The following TLR5 variants were observed in gnomAD, a reference collection of about 807,000 sequenced individuals.
TLR5 encodes the protein toll-like receptor 5.
For synonymous variants in TLR5, 373 were observed against 384.4 expected, an observed-to-expected ratio of 0.97 and a Z score of 0.35; for missense variants, 944 against 999.8, an observed-to-expected ratio of 0.94 and a Z score of 0.75.
chr1:223,112,899 G>A lies in TLR5; in HGVS notation c.133C>T (p.Leu45Phe), dbSNP rs757057501. The stretch of plus-strand genomic sequence containing the variant: ...AGCAGGAGCCTCTCAGTGGTGTTGA[G>A]GACCTGGGGGACCTGGGTGAGGTTG... ...FCNLTQVPQV[L>F]NTTERLLLSF... The change falls in exon 6 of 6, where the codon CTC (leucine) becomes TTC (phenylalanine). Residue 45 changes from leucine to phenylalanine, a missense_variant. Physicochemically the swap from Leu to Phe is conservative, Grantham distance 22. Coordinates refer to ENST00000642603, the MANE Select transcript of TLR5 (RefSeq NM_003268.6). The A allele has an allele frequency of 4.3e-6, 7 of 1,614,184 alleles. No individual in the cohort carries two copies. Among genetic ancestry groups the A allele is most frequent in the Non-Finnish European group, 5.9e-6 (7 of 1,180,032 alleles).
chr1:223,132,170 C>T (rs1377150281), intron 5 of TLR5, among the ~76,000 whole-genome samples: 1 of 152,022 alleles, frequency 6.6e-6, no homozygotes, highest in African/African-American at 2.4e-5. Flanking sequence ...CTATACCACC[C>T]TGGGCCACAT....
chr1:223,112,880 A>T lies in TLR5; in HGVS notation c.152T>A (p.Leu51His). 2 of 1,614,074 alleles carry T rather than the reference A, an allele frequency of 1.2e-6. No homozygotes were observed. Among genetic ancestry groups the T allele is most frequent in the Non-Finnish European group, 1.7e-6 (2 of 1,179,996 alleles). The change falls in exon 6 of 6, where the codon CTC becomes CAC. Residue 51 changes from leucine (L) to histidine (H), a missense_variant. Physicochemically the swap from Leu to His is moderately conservative, Grantham distance 99. Transcript: ENST00000642603. ...CCTGATATAGTTGAAGCTCAGCAGG[A>T]GCCTCTCAGTGGTGTTGAGGACCTG... ...VPQVLNTTER[L>H]LLSFNYIRTV...
Position 223,112,775 on chromosome 1 carries a change from A to G in TLR5, c.257T>C (p.Ile86Thr), listed in dbSNP as rs1251573752. 1 of 1,613,908 alleles carries G rather than the reference A, an allele frequency of 6.2e-7. No homozygotes were observed. Among genetic ancestry groups the G allele is most frequent in the Non-Finnish European group, 8.5e-7 (1 of 1,179,914 alleles). Residue 86 changes from isoleucine to threonine, a missense_variant, in exon 6 of 6, where the codon ATT (isoleucine) becomes ACT (threonine). Coordinates refer to ENST00000642603, the MANE Select transcript of TLR5 (RefSeq NM_003268.6). ...CAGGTTTCTGAAGGCCTCCTTGTCA[A>G]TAGTCAAGGGGGTATACTGGCTCCC... is the stretch of plus-strand genomic sequence containing the variant. ...ELGSQYTPLTIDKEAFRNLPN... is the reference protein window; with the variant it reads ...ELGSQYTPLTTDKEAFRNLPN...
intron 2 of TLR5, among the ~76,000 whole-genome samples, chr1:223,139,132 A>C (rs1657738737): frequency 1.3e-5 from 2 of 152,328 alleles, no homozygotes; most frequent in Non-Finnish European, 2.9e-5. Flanking sequence ...ACTCAGGTAT[A>C]TCTTTATTAG....
chr1:223,122,319 C>T (rs1656986775), intron 5 of TLR5, among the ~76,000 whole-genome samples: 2 of 152,104 alleles, frequency 1.3e-5, no homozygotes, highest in African/African-American at 4.8e-5. Flanking sequence ...TGCAATGGGC[C>T]CTAAATCCAG....
At chr1:223,142,302 T>G (rs1214490424) in intron 1 of TLR5, among the ~76,000 whole-genome samples, 1 of 152,112 alleles carries the variant, frequency 6.6e-6, no homozygotes, top group Non-Finnish European at 1.5e-5. Flanking sequence ...ATCATCTCAT[T>G]GACTAGGTGA....
In TLR5 at chr1:223,110,741, C is replaced by T. The variant is rs1656275425; in HGVS notation, c.2291G>A (p.Arg764Lys). 1 of 1,614,076 alleles carries T rather than the reference C, an allele frequency of 6.2e-7. No homozygotes were observed. Among genetic ancestry groups the T allele is most frequent in the African/African-American group, 1.3e-5 (1 of 74,918 alleles). Residue 764 changes from arginine (R) to lysine (K), a missense_variant, in exon 6 of 6, where the codon AGA becomes AAA. Physicochemically the swap from Arg to Lys is conservative, Grantham distance 26. Transcript: ENST00000642603. ...IVCLVSRHFL[R>K]DGWCLEAFSY... ...GAAGGCTTCAAGGCACCAGCCATCT[C>T]TAAGGAAGTGTCTGCTCACAAGACA...
In TLR5 at chr1:223,111,164, G is replaced by A. The variant is rs1376776095; in HGVS notation, c.1868C>T (p.Ser623Phe). The A allele has an allele frequency of 1.9e-6, 3 of 1,614,094 alleles. No homozygotes were observed. Among genetic ancestry groups the A allele is most frequent in the African/African-American group, 1.3e-5 (1 of 74,948 alleles). The stretch of plus-strand genomic sequence containing the variant: ...TTCATCACAACCTTCCGTGGAAAGA[G>A]AGAAGAGGGAAACCCCAGAGAACGA... The part of the protein sequence containing the change: ...PDSFSGVSLF[S>F]LSTEGCDEEE... Residue 623 changes from serine (S) to phenylalanine (F), a missense_variant, in exon 6 of 6, where the codon TCT becomes TTT. Coordinates refer to ENST00000642603, the MANE Select transcript of TLR5 (RefSeq NM_003268.6).
In TLR5 at chr1:223,131,428, T is replaced by C. The variant is rs1657390590; in HGVS notation, c.-5+1047A>G. On this transcript the variant is annotated intron_variant, in intron 5 of 5. Coordinates refer to ENST00000642603, the MANE Select transcript of TLR5 (RefSeq NM_003268.6). This position sits in a 1 kb window ranked among gnomAD's most constrained non-coding sequence, Gnocchi z 4.2. ...TCCCCATTCTCTCAGCTTAGGCTGG[T>C]CCTGGGGCTTGGAATGCTCGTGAAT... is the stretch of plus-strand genomic sequence containing the variant. Among the ~76,000 whole-genome samples the C allele has an allele frequency of 1.3e-5, 2 of 152,200 alleles. No individual in the cohort carries two copies. Among genetic ancestry groups the C allele is most frequent in the African/African-American group, 4.8e-5 (2 of 41,456 alleles).
intron 5 of TLR5, among the ~76,000 whole-genome samples, chr1:223,118,350 C>A (rs1000984503): frequency 6.7e-6 from 1 of 150,296 alleles, no homozygotes; most frequent in Non-Finnish European, 1.5e-5. Flanking sequence ...GGTTGGAGAC[C>A]GGCCTGGCCA....
chr1:223,120,914 T>C (rs1457430668), intron 5 of TLR5, among the ~76,000 whole-genome samples: 1 of 152,260 alleles, frequency 6.6e-6, no homozygotes, highest in East Asian at 1.9e-4. Flanking sequence ...AAAACCCATA[T>C]CTACCAAAAA....
intron 4 of TLR5, among the ~76,000 whole-genome samples, chr1:223,134,068 T>C (rs1391065354): frequency 6.6e-6 from 1 of 152,138 alleles, no homozygotes; most frequent in Non-Finnish European, 1.5e-5. Context: ...CTTGGGCGAG[T>C]GCTGAACCTC....
At chr1:223,141,802 TATATATATATATATATATATAGAG>T (rs1358427878) in intron 1 of TLR5, 39 bp from the exon 2 acceptor site, 10 of 68,222 alleles carry the variant, frequency 1.5e-4, no homozygotes, top group Middle Eastern at 6.8e-3. Context: ...TATATATATA[TATATATATATATATATATATAGAG>T]AGAGAGAGAG....
chr1:223,113,590 T>G (rs1449103723), intron 5 of TLR5, among the ~76,000 whole-genome samples: 1 of 152,144 alleles, frequency 6.6e-6, no homozygotes, highest in Non-Finnish European at 1.5e-5. Flanking sequence ...TTTCACTTAA[T>G]CTTTTCTTTT....
At chr1:223,118,212 G>A (rs1191288216) in intron 5 of TLR5, among the ~76,000 whole-genome samples, 2 of 152,188 alleles carry the variant, frequency 1.3e-5, no homozygotes, top group Non-Finnish European at 2.9e-5. Flanking sequence ...CCAATTTATA[G>A]GTAGATTTAA....
At chr1:223,121,358 G>A (rs1656946332) in intron 5 of TLR5, among the ~76,000 whole-genome samples, 1 of 152,162 alleles carries the variant, frequency 6.6e-6, no homozygotes, top group South Asian at 2.1e-4. Context: ...ATAATAAAGA[G>A]GTCATTTCAA....
At position 223,131,045 on chromosome 1, in the gene TLR5, T is replaced by C. The variant is rs1488920198; in HGVS notation, c.-5+1430A>G. Among the ~76,000 whole-genome samples, 1 of 152,106 alleles carries C rather than the reference T, an allele frequency of 6.6e-6. No homozygotes were observed. The highest frequency in any genetic ancestry group is 6.5e-5 in the Admixed American group (1 of 15,272). ...TGCTTGGCTGCAAGGCTCCACTGCC[T>C]CCCCTCTAGATATGGGAGACACCAC... On this transcript the variant is annotated intron_variant, in intron 5 of 5. Coordinates refer to ENST00000642603, the MANE Select transcript of TLR5 (RefSeq NM_003268.6). The surrounding 1 kb of genome is among the most constrained non-coding windows in gnomAD (Gnocchi z 4.2).
At chr1:223,117,578 A>G (rs1411183998) in intron 5 of TLR5, among the ~76,000 whole-genome samples, 1 of 151,618 alleles carries the variant, frequency 6.6e-6, no homozygotes, top group Non-Finnish European at 1.5e-5. Context: ...AAAAAAAAAA[A>G]AAAAAGAAAA....
At chr1:223,140,745 G>A (rs1355934103) in intron 2 of TLR5, among the ~76,000 whole-genome samples, 1 of 152,106 alleles carries the variant, frequency 6.6e-6, no homozygotes, top group African/African-American at 2.4e-5. Context: ...GCCCTTGATG[G>A]TCATTCTTAA....
Sources: allele counts gnomAD v4.1 joint callset (sites outside exome capture counted in the v4.1 genomes callset), GRCh38; gene constraint gnomAD v4.1.1; non-coding constraint Gnocchi (gnomAD v3.1); transcripts MANE v1.5; gene names NCBI Gene and HGNC (gene_info 2026-07-23, HGNC 2026-07-21).